WRNIP1: variants seen among roughly 807,000 people sequenced by gnomAD.
WRNIP1 encodes WRN helicase interacting protein 1, also known as ATPase WRNIP1.
WRNIP1 carries 41 observed loss-of-function variants against 56.1 expected under a neutral mutation model. The observed-to-expected ratio is 0.73, with a 90% confidence interval of 0.57 to 0.95. WRNIP1 has a LOEUF of 0.95. Among genes scored for constraint, WRNIP1 ranks in the 40% least tolerant of loss-of-function variants. The pLI, the probability that WRNIP1 is intolerant of heterozygous loss-of-function variation, is 0.00. For synonymous variants in WRNIP1, 547 were observed against 398.1 expected (o/e 1.37, Z -4.45); for missense variants, 1,170 against 939.4 (o/e 1.25, Z -3.21).
intron 3 of WRNIP1, among the ~76,000 whole-genome samples, chr6:2,778,364 A>G (rs892734878): frequency 3.9e-5 from 6 of 152,254 alleles, no homozygotes; most frequent in African/African-American, 1.4e-4. Context: ...TCAGCCAGGA[A>G]TAAGACCCCA....
chr6:2,768,785 G>T lies in WRNIP1; in HGVS notation c.917G>T (p.Arg306Leu). The stretch of plus-strand genomic sequence containing the variant: ...ACAAATGCCAAGACAAATGATGTGC[G>T]AGATGTCATAAAACAAGCTCAAAAT... ...SATNAKTNDV[R>L]DVIKQAQNEK... Residue 306 changes from arginine to leucine, a missense_variant, in exon 2 of 7, where the codon CGA becomes CTA. By Grantham distance (102) the Arg-to-Leu change is moderately radical (BLOSUM62 -2). Coordinates refer to ENST00000380773, the MANE Select transcript of WRNIP1 (RefSeq NM_020135.3). 1.2e-6 allele frequency: 2 copies of T among 1,613,802 alleles called. No homozygotes were observed. Among genetic ancestry groups the T allele is most frequent in the African/African-American group, 1.3e-5 (1 of 75,032 alleles).
At position 2,783,552 on chromosome 6, in the gene WRNIP1, G is replaced by A. The variant is rs138932547; in HGVS notation, c.1633G>A (p.Glu545Lys). 1.6e-5 allele frequency: 26 copies of A among 1,608,618 alleles called. No homozygotes were observed. The highest frequency in any genetic ancestry group is 5.1e-5 in the Admixed American group (3 of 59,178). ...VARRLVRFAS[E>K]DIGLADPSAL... ...ACGGAGGCTTGTCAGGTTTGCCAGC[G>A]AGGACATAGGTGAGTGTGATGGGAG... Residue 545 changes from glutamate to lysine, a missense_variant, in exon 5 of 7, where the codon GAG (glutamate) becomes AAG (lysine). Physicochemically the swap from Glu to Lys is moderately conservative, Grantham distance 56 (BLOSUM62 1). Transcript: ENST00000380773.
At chr6:2,773,950 C>T in intron 3 of WRNIP1, 1 of 985,184 alleles carries the variant, frequency 1.0e-6, no homozygotes. Context: ...TGGGGCTTTT[C>T]TCTAATCATC....
chr6:2,773,239 A>G (rs1426675570), intron 3 of WRNIP1: 2 of 985,456 alleles, frequency 2.0e-6, no homozygotes, highest in Non-Finnish European at 2.4e-6. Flanking sequence ...AAGCTCCTGC[A>G]TATGCTAGGC....
rs945334267 is a variant in WRNIP1 at position 2,765,400 on chromosome 6, C to T, written c.-223C>T. On this transcript the variant is annotated 5_prime_UTR_variant, in exon 1 of 7. Coordinates refer to ENST00000380773, the MANE Select transcript of WRNIP1 (RefSeq NM_020135.3). ...GGCAAACGGCCACGAACTACACTTC[C>T]CGACACGCCGCGTGAGGCGCTGCCA... The T allele has an allele frequency of 1.2e-5, 5 of 415,560 alleles. No homozygotes were observed. The highest frequency in any genetic ancestry group is 7.0e-4 in the Middle Eastern group (1 of 1,424). 25.7% of individuals were successfully genotyped at this position (415,560 alleles called of 1,614,324 possible).
In WRNIP1 at chr6:2,786,766, T is replaced by A. The variant is rs935287003; in HGVS notation, c.*1484T>A. On this transcript the variant is annotated 3_prime_UTR_variant, in exon 7 of 7. Transcript: ENST00000380773. ...GCATCCTGATGTGTGTGGTCTTTTG[T>A]TTGTAACCTCTATCAACTTGTAGAC... 3 of 152,250 alleles carry A rather than the reference T, an allele frequency of 2.0e-5. No homozygotes were observed. Among genetic ancestry groups the A allele is most frequent in the Non-Finnish European group, 4.4e-5 (3 of 68,052 alleles). 9.4% of individuals were successfully genotyped at this position (152,250 alleles called of 1,614,324 possible).
chr6:2,785,382 C>T lies in WRNIP1; in HGVS notation c.*100C>T. ...GTTGGTTGCCTGGTGGAAGTTAGAA[C>T]AGACCAACATTTTGTGCCAGAAATT... On this transcript the variant is annotated 3_prime_UTR_variant, in exon 7 of 7. Coordinates refer to ENST00000380773, the MANE Select transcript of WRNIP1 (RefSeq NM_020135.3). The T allele has an allele frequency of 4.4e-6, 6 of 1,373,106 alleles. No individual in the cohort carries two copies. Among genetic ancestry groups the T allele is most frequent in the Non-Finnish European group, 5.9e-6 (6 of 1,012,140 alleles). The allele number at this position is 1,373,106 out of a possible 1,614,324, so 85.1% of individuals were successfully genotyped here. A position where few individuals can be genotyped will look rare whatever the true frequency, so the allele number is the denominator to read the frequency against.
chr6:2,774,678 A>G (rs993902089), intron 3 of WRNIP1, among the ~76,000 whole-genome samples: 1 of 152,208 alleles, frequency 6.6e-6, no homozygotes, highest in African/African-American at 2.4e-5. Context: ...TCAACCCACT[A>G]CAGACCCCTA....
Position 2,766,099 on chromosome 6 carries a change from G to C in WRNIP1, c.477G>C (p.Glu159Asp). The part of the protein sequence containing the change: ...AGSASPRSWD[E>D]AEAQEEEEAV... The stretch of plus-strand genomic sequence containing the variant: ...GCGCGTCTCCGCGCAGCTGGGACGA[G>C]GCGGAGGCGCAGGAGGAGGAGGAGG... Residue 159 changes from glutamate to aspartate, a missense_variant, in exon 1 of 7, where the codon GAG (glutamate) becomes GAC (aspartate). Glu to Asp is a conservative substitution (Grantham distance 45). Transcript: ENST00000380773. 1 of 1,317,928 alleles carries C rather than the reference G, an allele frequency of 7.6e-7. No individual in the cohort carries two copies. The highest frequency in any genetic ancestry group is 9.6e-7 in the Non-Finnish European group (1 of 1,041,532). 81.6% of individuals were successfully genotyped at this position (1,317,928 alleles called of 1,614,324 possible). A position where few individuals can be genotyped will look rare whatever the true frequency, so the allele number is the denominator to read the frequency against.
chr6:2,784,496 T>C lies in WRNIP1; in HGVS notation c.1722+93T>C, dbSNP rs1765661103. 33 of 1,294,108 alleles carry C rather than the reference T, an allele frequency of 2.6e-5. No individual in the cohort carries two copies. In the South Asian group the frequency reaches 3.3e-4, roughly 13 times the overall value. 80.2% of individuals were successfully genotyped at this position (1,294,108 alleles called of 1,614,324 possible). ...TTGAATAAATGTCCCTCCTTCACCA[T>C]TGGTGTATTGGACCCACTGAGTATG... On this transcript the variant is annotated intron_variant, in intron 6 of 6. Coordinates refer to ENST00000380773, the MANE Select transcript of WRNIP1 (RefSeq NM_020135.3).
rs748030983 is a variant in WRNIP1 at position 2,785,120 on chromosome 6, C to A, written c.1836C>A (p.Pro612=). 6.2e-7 allele frequency: 1 copy of A among 1,614,202 alleles called. No individual in the cohort carries two copies. The highest frequency in any genetic ancestry group is 1.7e-5 in the Admixed American group (1 of 60,032). ...ACLRNHQGPL[P]PVPLHLRNAP... ...TGAGGAACCACCAGGGGCCACTGCC[C>A]CCCGTGCCCCTGCACCTGAGGAACG... is the stretch of plus-strand genomic sequence containing the variant. Residue 612 remains proline, a synonymous_variant, in exon 7 of 7, where the codon CCC becomes CCA. Transcript: ENST00000380773.
At chr6:2,770,668 T>C (rs1765244726) in intron 3 of WRNIP1, among the ~76,000 whole-genome samples, 1 of 152,188 alleles carries the variant, frequency 6.6e-6, no homozygotes, top group African/African-American at 2.4e-5. Flanking sequence ...TGGGAAGCCT[T>C]ATTGATGATT....
At chr6:2,773,368 G>C (rs1765355227) in intron 3 of WRNIP1, 1 of 985,326 alleles carries the variant, frequency 1.0e-6, no homozygotes, top group South Asian at 4.7e-5. Flanking sequence ...AGTGGGCGTA[G>C]AGAAGCAGCA....
At chr6:2,781,853 C>T (rs907151295) in intron 4 of WRNIP1, among the ~76,000 whole-genome samples, 1 of 152,196 alleles carries the variant, frequency 6.6e-6, no homozygotes, top group East Asian at 1.9e-4. Context: ...TAAGTGGTCT[C>T]GTTTTTCCCA....
chr6:2,778,680 A>T (rs772533670), intron 3 of WRNIP1, among the ~76,000 whole-genome samples: 1 of 152,210 alleles, frequency 6.6e-6, no homozygotes, highest in African/African-American at 2.4e-5. Context: ...TCCCCAGGCC[A>T]AGAGAATCCT....
At chr6:2,773,275 TC>T (rs1267092656) in intron 3 of WRNIP1, 4 of 985,426 alleles carry the variant, frequency 4.1e-6, no homozygotes, top group Non-Finnish European at 4.8e-6. Flanking sequence ...AAAAGCTTGT[TC>T]CTGTGCCTTC....
chr6:2,778,863 G>A (rs1014686311), intron 3 of WRNIP1, among the ~76,000 whole-genome samples: 4 of 152,232 alleles, frequency 2.6e-5, no homozygotes, highest in African/African-American at 9.6e-5. Context: ...CTCATCGGAT[G>A]TAGGCTGCAT....
At chr6:2,771,240 A>T (rs1208523031) in intron 3 of WRNIP1, among the ~76,000 whole-genome samples, 2 of 152,214 alleles carry the variant, frequency 1.3e-5, no homozygotes, top group African/African-American at 4.8e-5. Context: ...GGCATAGTTT[A>T]GGCTCAGGGT....
At chr6:2,778,843 G>GC (rs1765491191) in intron 3 of WRNIP1, among the ~76,000 whole-genome samples, 1 of 152,188 alleles carries the variant, frequency 6.6e-6, no homozygotes, top group Non-Finnish European at 1.5e-5. Context: ...AGTGGTCTAA[G>GC]CACATCTGTC....
Sources: gnomAD v4.1 joint callset for allele counts (sites outside exome capture counted in the v4.1 genomes callset) on GRCh38, gnomAD v4.1.1 for gene constraint, MANE v1.5 for transcripts, NCBI Gene and HGNC (gene_info 2026-07-23, HGNC 2026-07-21) for gene names.